The following SPOCK1 variants were observed in gnomAD, a reference collection of about 807,000 sequenced individuals.
The protein encoded by SPOCK1 is testican-1.
A neutral mutation model predicts 55.3 loss-of-function variants in SPOCK1; 23 were observed. That is an observed-to-expected ratio of 0.42 (90% confidence interval 0.30 to 0.59). The LOEUF (loss-of-function observed/expected upper bound fraction) is 0.59. SPOCK1 is among the 20% of genes least tolerant of loss of function. The pLI is 0.22. For synonymous variants in SPOCK1, 226 were observed against 221.0 expected, an observed-to-expected ratio of 1.02 and a Z score of -0.20; for missense variants, 499 against 552.5, an observed-to-expected ratio of 0.90 and a Z score of 0.97.
At chr5:137,495,409 C>T (rs1425491902) in intron 2 of SPOCK1, among the ~76,000 whole-genome samples, 1 of 152,208 alleles carries the variant, frequency 6.6e-6, no homozygotes, top group Non-Finnish European at 1.5e-5. Flanking sequence ...TCTCTAAGAG[C>T]AGCCCTTAGT....
intron 4 of SPOCK1, among the ~76,000 whole-genome samples, chr5:137,135,320 A>G (rs1385646685): frequency 6.6e-6 from 1 of 152,122 alleles, no homozygotes; most frequent in East Asian, 1.9e-4. Context: ...CTGCCCCACG[A>G]TCTCCCACCC....
At chr5:137,221,865 A>G (rs1755853905) in intron 3 of SPOCK1, among the ~76,000 whole-genome samples, 1 of 152,246 alleles carries the variant, frequency 6.6e-6, no homozygotes, top group African/African-American at 2.4e-5. Context: ...CTGGGAATGT[A>G]CACAACCAGT....
At chr5:137,036,635 C>T (rs537740145) in intron 6 of SPOCK1, among the ~76,000 whole-genome samples, 3 of 152,234 alleles carry the variant, frequency 2.0e-5, no homozygotes, top group South Asian at 2.1e-4. Context: ...ACAAGCATGC[C>T]GACTAATTTC....
intron 3 of SPOCK1, among the ~76,000 whole-genome samples, chr5:137,194,667 A>G (rs990309230): frequency 5.9e-5 from 9 of 152,142 alleles, no homozygotes; most frequent in African/African-American, 2.2e-4. Context: ...CCCGGGCACC[A>G]GACTCCTGCT....
In SPOCK1 at chr5:137,313,502, C is replaced by A. The variant is rs536761201; in HGVS notation, c.187-46447G>T. ...CTGTGACACCCACCCAAAACAAGGACACCAGCAGCCTCAGAAGGGATCCAT... is the reference window on the plus strand; with the variant it reads ...CTGTGACACCCACCCAAAACAAGGAAACCAGCAGCCTCAGAAGGGATCCAT... On this transcript the variant is annotated intron_variant, in intron 2 of 10. Coordinates refer to ENST00000394945, the MANE Select transcript of SPOCK1 (RefSeq NM_004598.4). The A allele has an allele frequency of 2.0e-3, 1,982 of 985,384 alleles. 1 individual carries two copies. The highest frequency in any genetic ancestry group is 2.3e-3 in the Non-Finnish European group (1,909 of 829,938). The allele number at this position is 985,384 out of a possible 1,614,324, so 61.0% of individuals were successfully genotyped here.
chr5:137,018,514 G>A (rs1374706329), intron 6 of SPOCK1, among the ~76,000 whole-genome samples: 1 of 152,094 alleles, frequency 6.6e-6, no homozygotes, highest in Non-Finnish European at 1.5e-5. Context: ...ACCCTCAGGA[G>A]GTACATGATA....
At chr5:137,239,896 A>T (rs1756251442) in intron 3 of SPOCK1, among the ~76,000 whole-genome samples, 1 of 152,222 alleles carries the variant, frequency 6.6e-6, no homozygotes, top group African/African-American at 2.4e-5. Context: ...TTGATTATAT[A>T]CTTAGAAAGT....
At chr5:137,015,482 A>G (rs1032510967) in intron 6 of SPOCK1, among the ~76,000 whole-genome samples, 1 of 152,052 alleles carries the variant, frequency 6.6e-6, no homozygotes, top group African/African-American at 2.4e-5. Flanking sequence ...AGATTCAGAC[A>G]CTAGTGCTGG....
At chr5:137,074,648 C>G (rs1003715597) in intron 5 of SPOCK1, among the ~76,000 whole-genome samples, 1 of 152,134 alleles carries the variant, frequency 6.6e-6, no homozygotes, top group African/African-American at 2.4e-5. Flanking sequence ...TCCCTAGTAG[C>G]TGGGATTACA....
intron 5 of SPOCK1, among the ~76,000 whole-genome samples, chr5:137,081,920 G>A (rs1308643482): frequency 6.6e-6 from 1 of 152,190 alleles, no homozygotes; most frequent in Non-Finnish European, 1.5e-5. Flanking sequence ...AATGGTCAAG[G>A]GCTGGACAAA....
At chr5:137,191,942 C>T (rs1755188049) in intron 3 of SPOCK1, among the ~76,000 whole-genome samples, 1 of 151,984 alleles carries the variant, frequency 6.6e-6, no homozygotes, top group Non-Finnish European at 1.5e-5. Context: ...AAACAAGCGG[C>T]CAGGCGCAGT....
chr5:137,443,994 C>T (rs901150692), intron 2 of SPOCK1, among the ~76,000 whole-genome samples: 3 of 152,138 alleles, frequency 2.0e-5, no homozygotes, highest in African/African-American at 7.2e-5. Flanking sequence ...CATCATTGTA[C>T]CAGGATAACA....
chr5:137,186,669 C>T (rs60493619), intron 3 of SPOCK1, among the ~76,000 whole-genome samples: 8,409 of 152,230 alleles, frequency 0.055, 789 homozygotes, highest in African/African-American at 0.19. Context: ...GCCAAGACTT[C>T]CAGTCTGTGA....
chr5:137,148,668 C>T (rs1024305258), intron 3 of SPOCK1, among the ~76,000 whole-genome samples: 8 of 152,132 alleles, frequency 5.3e-5, no homozygotes, highest in African/African-American at 1.9e-4. Context: ...ATGACAACGA[C>T]CAACTATAGA....
chr5:137,282,918 G>C (rs1014746905), intron 2 of SPOCK1, among the ~76,000 whole-genome samples: 2 of 152,206 alleles, frequency 1.3e-5, no homozygotes, highest in Non-Finnish European at 1.5e-5. Context: ...AAAGTGCCAA[G>C]AACTGACTGC....
intron 2 of SPOCK1, among the ~76,000 whole-genome samples, chr5:137,462,494 G>A (rs912131021): frequency 3.9e-5 from 6 of 152,314 alleles, no homozygotes; most frequent in Middle Eastern, 3.4e-3. Flanking sequence ...TAAGGGGCAG[G>A]TTCGTGGTCA....
At position 137,290,820 on chromosome 5, in the gene SPOCK1, G is replaced by A. The variant is rs887985092; in HGVS notation, c.187-23765C>T. On this transcript the variant is annotated intron_variant, in intron 2 of 10. Transcript: ENST00000394945. ...GTACATCCCACAGTTAGGGAGAAGCGGGGCCCTTGTCTAGTCTCAACCCTG... is the reference window on the plus strand; with the variant it reads ...GTACATCCCACAGTTAGGGAGAAGCAGGGCCCTTGTCTAGTCTCAACCCTG... Among the ~76,000 whole-genome samples, 7 of 152,152 alleles carry A rather than the reference G, an allele frequency of 4.6e-5. No individual in the cohort carries two copies. In the South Asian group the frequency reaches 6.2e-4, roughly 14 times the overall value.
At chr5:137,388,512 C>T (rs982465859) in intron 2 of SPOCK1, among the ~76,000 whole-genome samples, 8 of 152,114 alleles carry the variant, frequency 5.3e-5, no homozygotes, top group African/African-American at 1.9e-4. Context: ...CTAGAGTGTA[C>T]AGGTCTATGA....
intron 3 of SPOCK1, among the ~76,000 whole-genome samples, chr5:137,261,676 AAT>A: frequency 6.6e-6 from 1 of 152,344 alleles, no homozygotes; most frequent in East Asian, 1.9e-4. Context: ...GCTCTGGAAG[AAT>A]GATTAGTATT....
Sources: allele counts gnomAD v4.1 joint callset (sites outside exome capture counted in the v4.1 genomes callset), GRCh38; gene constraint gnomAD v4.1.1; transcripts MANE v1.5; gene names NCBI Gene and HGNC (gene_info 2026-07-23, HGNC 2026-07-21).